The following FRYL variants were observed in gnomAD, a reference collection of about 807,000 sequenced individuals.
FRYL encodes the protein protein furry homolog-like.
In FRYL, 150 loss-of-function variants were observed where a neutral mutation model predicts 351.2. The observed-to-expected ratio is 0.43, with a 90% confidence interval of 0.37 to 0.49. The LOEUF (loss-of-function observed/expected upper bound fraction) is 0.49. Ranked by LOEUF, FRYL falls within the 20% of genes least tolerant of loss-of-function variation. FRYL has a pLI of 0.00. For missense variants in FRYL, 3,036 were observed against 3,619.3 expected, an observed-to-expected ratio of 0.84 and a Z score of 4.13; for synonymous variants, 1,153 against 1,257.1, an observed-to-expected ratio of 0.92 and a Z score of 1.75.
At chr4:48,733,400 A>G (rs1385545773) in intron 1 of FRYL, among the ~76,000 whole-genome samples, 1 of 152,034 alleles carries the variant, frequency 6.6e-6, no homozygotes, top group Non-Finnish European at 1.5e-5. Context: ...AATTGACAGA[A>G]TGTGTTGCTG....
At chr4:48,509,148 A>G (rs1253136044) in intron 59 of FRYL, among the ~76,000 whole-genome samples, 1 of 152,166 alleles carries the variant, frequency 6.6e-6, no homozygotes, top group African/African-American at 2.4e-5. Flanking sequence ...TCTGTTCATC[A>G]AAAAATGCTA....
intron 35 of FRYL, among the ~76,000 whole-genome samples, chr4:48,556,724 T>C (rs1216796199): frequency 6.6e-6 from 1 of 152,176 alleles, no homozygotes; most frequent in East Asian, 1.9e-4. Context: ...ATAAATCAGA[T>C]GTAGCTTCAA....
intron 2 of FRYL, among the ~76,000 whole-genome samples, chr4:48,696,857 TA>T (rs1766228472): frequency 6.8e-6 from 1 of 146,154 alleles, no homozygotes; most frequent in East Asian, 2.0e-4. Context: ...TCTATCTATC[TA>T]TCTATCTATC....
At chr4:48,692,658 G>A (rs1182928783) in intron 2 of FRYL, among the ~76,000 whole-genome samples, 1 of 152,176 alleles carries the variant, frequency 6.6e-6, no homozygotes, top group Non-Finnish European at 1.5e-5. Flanking sequence ...CTCCCTAAGT[G>A]CTGGGAGTAC....
At chr4:48,753,452 T>A (rs897599334) in intron 1 of FRYL, among the ~76,000 whole-genome samples, 2 of 152,204 alleles carry the variant, frequency 1.3e-5, no homozygotes, top group African/African-American at 4.8e-5. Flanking sequence ...TGCAATATAA[T>A]TCATATACCA....
Position 48,523,108 on chromosome 4 carries a change from GA to G in FRYL, c.7318-5del. ...TGAAATTGTCCATACTTTCACCCTGGAAAAGCAAGACACGATTTCTAAAACC... is the reference window on the plus strand; with the variant it reads ...TGAAATTGTCCATACTTTCACCCTGGAAAGCAAGACACGATTTCTAAAACC... On this transcript the variant is annotated splice_polypyrimidine_tract_variant and splice_region_variant and intron_variant, in intron 53 of 63. Transcript: ENST00000358350. The G allele has an allele frequency of 5.0e-6, 8 of 1,607,930 alleles. No individual in the cohort carries two copies. The African/African-American group carries it at 5.3e-5, about 11-fold the overall frequency.
intron 50 of FRYL, 40 bp from the exon 51 acceptor site, chr4:48,528,376 T>C (rs988227117): frequency 6.5e-7 from 1 of 1,539,348 alleles, no homozygotes; most frequent in Non-Finnish European, 8.8e-7. Flanking sequence ...CTCAAATATT[T>C]CAACATAAAA....
rs765793459 is a variant in FRYL, at chr4:48,766,187, C to T, written c.-384+13891G>A. On this transcript the variant is annotated intron_variant, in intron 1 of 63. Coordinates refer to ENST00000358350, the MANE Select transcript of FRYL (RefSeq NM_015030.2). ...AGAGAGATATCTGTACTCCCACGTTCACTGTGGCGTTATTCACAATAGCCA... is the reference window on the plus strand; with the variant it reads ...AGAGAGATATCTGTACTCCCACGTTTACTGTGGCGTTATTCACAATAGCCA... 2.6e-5 allele frequency among the ~76,000 whole-genome samples: 4 copies of T among 152,186 alleles called. 1 individual carries two copies. Among genetic ancestry groups the T allele is most frequent in the Non-Finnish European group, 5.9e-5 (4 of 68,042 alleles).
chr4:48,610,678 TTATATATTATATACATATATTATATACA>T (rs1406221862), intron 7 of FRYL, among the ~76,000 whole-genome samples: 188 of 146,078 alleles, frequency 1.3e-3, no homozygotes, highest in South Asian at 0.013. Context: ...ATATATTATA[TTATATATTATATACATATATTATATACA>T]TATATATTAT....
chr4:48,578,978 A>T lies in FRYL; in HGVS notation c.2523T>A (p.Asp841Glu). The change falls in exon 23 of 64, where the codon GAT (aspartate) becomes GAA (glutamate). Residue 841 changes from aspartate (D) to glutamate (E), a missense_variant. By Grantham distance (45) the Asp-to-Glu change is conservative. Coordinates refer to ENST00000358350, the MANE Select transcript of FRYL (RefSeq NM_015030.2). ...ACACTAGGAAAATAACTTACTTTATATCGACCTGAGGGGACAACAACTGAA... is the reference window on the plus strand; with the variant it reads ...ACACTAGGAAAATAACTTACTTTATTTCGACCTGAGGGGACAACAACTGAA... ...TRLQLLSPQV[D>E]INSPINAKKV... 1 of 1,593,528 alleles carries T rather than the reference A, an allele frequency of 6.3e-7. No individual in the cohort carries two copies. The highest frequency in any genetic ancestry group is 8.5e-7 in the Non-Finnish European group (1 of 1,172,964).
intron 62 of FRYL, 58 bp from the exon 63 acceptor site, chr4:48,500,278 T>C: frequency 7.2e-6 from 8 of 1,116,280 alleles, no homozygotes; most frequent in East Asian, 2.6e-5. Context: ...AAACATTTAG[T>C]TGGCTACAAG....
intron 16 of FRYL, among the ~76,000 whole-genome samples, chr4:48,592,115 T>TATATATA (rs1743518374): frequency 1.6e-4 from 21 of 131,416 alleles, no homozygotes; most frequent in South Asian, 4.9e-4. Flanking sequence ...TATATATATA[T>TATATATA]TTTATCTAAG....
At chr4:48,541,951 A>C in intron 45 of FRYL, 76 bp downstream of exon 45, 2 of 999,400 alleles carry the variant, frequency 2.0e-6, no homozygotes, top group Non-Finnish European at 3.2e-6. Flanking sequence ...CAATATTAGA[A>C]TTTTAAAAGT....
intron 2 of FRYL, among the ~76,000 whole-genome samples, chr4:48,695,034 C>T (rs931927718): frequency 5.3e-5 from 8 of 152,152 alleles, no homozygotes; most frequent in Non-Finnish European, 1.0e-4. Context: ...TGCACTCTAG[C>T]CTGGGCAACA....
rs1315587992 is a variant in FRYL, at chr4:48,534,526, A to T, written c.6705+19T>A. 5 of 1,582,090 alleles carry T rather than the reference A, an allele frequency of 3.2e-6. No homozygotes were observed. ...TTTTTAGATGAAAAATGTTATATGT[A>T]AGTTTTGTGGTCACTCACCTGTACA... On this transcript the variant is annotated intron_variant, in intron 49 of 63. Transcript: ENST00000358350.
intron 11 of FRYL, 135 bp downstream of exon 11, chr4:48,605,606 G>A (rs1205301567): frequency 9.3e-6 from 6 of 648,226 alleles, no homozygotes. Context: ...GAGCAACAGG[G>A]AGCAAATGAG....
At chr4:48,558,716 T>C (rs565381974) in intron 33 of FRYL, among the ~76,000 whole-genome samples, 14 of 152,344 alleles carry the variant, frequency 9.2e-5, no homozygotes, top group Non-Finnish European at 1.5e-4. Context: ...GAGATGCCTA[T>C]GATGTGCCTG....
intron 47 of FRYL, among the ~76,000 whole-genome samples, chr4:48,538,263 A>G (rs1162959653): frequency 6.6e-6 from 1 of 152,194 alleles, no homozygotes; most frequent in African/African-American, 2.4e-5. Flanking sequence ...TATTAAAGAA[A>G]CGAAGATGTT....
intron 1 of FRYL, among the ~76,000 whole-genome samples, chr4:48,740,545 T>A (rs1163629792): frequency 6.6e-6 from 1 of 152,110 alleles, no homozygotes; most frequent in Non-Finnish European, 1.5e-5. Context: ...TCTGCCTGTC[T>A]CAGCCTCCCA....
Sources: allele counts gnomAD v4.1 joint callset (sites outside exome capture counted in the v4.1 genomes callset), GRCh38; gene constraint gnomAD v4.1.1; transcripts MANE v1.5; gene names NCBI Gene and HGNC (gene_info 2026-07-23, HGNC 2026-07-21).